Variants in CSMD2 observed in about 807,000 individuals in gnomAD.
CSMD2 encodes the protein CUB and sushi domain-containing protein 2.
CSMD2 carries 130 observed loss-of-function variants against 398.5 expected under a neutral mutation model. That is an observed-to-expected ratio of 0.33 (90% CI 0.28 to 0.38). The LOEUF is 0.38. CSMD2 is among the 10% of genes least tolerant of loss of function. The pLI, the probability that CSMD2 is intolerant of heterozygous loss-of-function variation, is 1.00. For missense variants in CSMD2, 3,829 were observed against 4,764.9 expected (o/e 0.80, Z 5.78); for synonymous variants, 1,828 against 1,908.5 (o/e 0.96, Z 1.10).
chr1:33,862,874 A>T (rs1237667772), intron 5 of CSMD2: 1 of 152,254 alleles, frequency 6.6e-6, no homozygotes, highest in Non-Finnish European at 1.5e-5. Flanking sequence ...GAAGATGAAC[A>T]CTGAAGTCTT....
At chr1:33,616,806 C>T (rs765913766) in intron 39 of CSMD2, 100 bp downstream of exon 39, 45 of 902,898 alleles carry the variant, frequency 5.0e-5, no homozygotes, top group Non-Finnish European at 8.0e-5. Flanking sequence ...GAATATCAAA[C>T]TTTCTTCTGA....
At chr1:33,657,856 G>T in intron 27 of CSMD2, 90 bp downstream of exon 27, 2 of 1,295,042 alleles carry the variant, frequency 1.5e-6, no homozygotes, top group South Asian at 2.8e-5. Flanking sequence ...CTTGGCCCCA[G>T]GCCCAAGATG....
intron 2 of CSMD2, among the ~76,000 whole-genome samples, chr1:34,053,949 G>A (rs1167146473): frequency 2.0e-5 from 3 of 152,062 alleles, no homozygotes; most frequent in Non-Finnish European, 4.4e-5. Flanking sequence ...CCTTAGCCCT[G>A]CCCAGCCCAC....
intron 7 of CSMD2, among the ~76,000 whole-genome samples, chr1:33,822,924 C>T (rs1284829483): frequency 3.3e-5 from 5 of 152,194 alleles, no homozygotes; most frequent in Non-Finnish European, 7.4e-5. Flanking sequence ...GAGTCATACC[C>T]ATCCCAAAGT....
rs149306664 is a variant in CSMD2 at position 33,700,651 on chromosome 1, G to A, written c.3599C>T (p.Ser1200Phe). ...VLKVYDGNNNSARLLGVFSHS... is the reference protein window; with the variant it reads ...VLKVYDGNNNFARLLGVFSHS... ...GCTAAAAACTCCCAGCAAACGGGCG[G>A]AGTTGTTGTTGCCATCATAAACCTG... is the stretch of plus-strand genomic sequence containing the variant. Residue 1200 changes from serine (S) to phenylalanine (F), a missense_variant, in exon 23 of 71, where the codon TCC becomes TTC. Transcript: ENST00000373381. 1 of 1,614,014 alleles carries A rather than the reference G, an allele frequency of 6.2e-7. No homozygotes were observed. Among genetic ancestry groups the A allele is most frequent in the African/African-American group, 1.3e-5 (1 of 74,910 alleles).
intron 5 of CSMD2, among the ~76,000 whole-genome samples, chr1:33,892,898 T>A (rs1277326512): frequency 1.3e-5 from 2 of 152,242 alleles, no homozygotes; most frequent in Non-Finnish European, 2.9e-5. Context: ...TGGGCATCCC[T>A]GGGCCCTCAG....
intron 1 of CSMD2, among the ~76,000 whole-genome samples, chr1:34,155,664 A>G (rs986061545): frequency 6.6e-6 from 1 of 152,110 alleles, no homozygotes; most frequent in African/African-American, 2.4e-5. Context: ...CACCCCTGAG[A>G]CCTGAAAAAT....
At chr1:33,749,301 G>A (rs965311383) in intron 13 of CSMD2, among the ~76,000 whole-genome samples, 13 of 151,672 alleles carry the variant, frequency 8.6e-5, no homozygotes, top group African/African-American at 1.7e-4. Context: ...GGGTTTCGCC[G>A]TGTTAGCCAG....
intron 57 of CSMD2, among the ~76,000 whole-genome samples, chr1:33,545,575 T>C (rs764724382): frequency 1.4e-4 from 21 of 152,316 alleles, no homozygotes; most frequent in Non-Finnish European, 2.2e-4. Flanking sequence ...TTCTTTTCTC[T>C]ATAAGAGCAT....
In CSMD2 at chr1:33,537,577, G is replaced by A. The variant is rs1283736318; in HGVS notation, c.9664C>T (p.Arg3222Cys). The A allele has an allele frequency of 5.0e-6, 8 of 1,613,902 alleles. No individual in the cohort carries two copies. Among genetic ancestry groups the A allele is most frequent in the East Asian group, 2.2e-5 (1 of 44,892 alleles). Residue 3222 changes from arginine (R) to cysteine (C), a missense_variant, in exon 61 of 71, where the codon CGT becomes TGT. By Grantham distance (180) the Arg-to-Cys change is radical. Coordinates refer to ENST00000373381, the MANE Select transcript of CSMD2 (RefSeq NM_001281956.2). The surrounding 1 kb of genome is among the most constrained non-coding windows in gnomAD (Gnocchi z 4.6). ...VFCGDPGVPS[R>C]GRREDRGFSY... is the part of the protein sequence containing the mutation. Reference sequence around the variant, plus strand: ...AAGCCTCGGTCCTCTCTCCTCCCACGGGACGGGACACCAGGATCCCCGCAG... The same window carrying A: ...AAGCCTCGGTCCTCTCTCCTCCCACAGGACGGGACACCAGGATCCCCGCAG...
chr1:33,518,665 A>G lies in CSMD2; in HGVS notation c.*53+800T>C, dbSNP rs1050460957. On this transcript the variant is annotated intron_variant, in intron 70 of 70. Coordinates refer to ENST00000373381, the MANE Select transcript of CSMD2 (RefSeq NM_001281956.2). The surrounding 1 kb of genome is among the most constrained non-coding windows in gnomAD (Gnocchi z 4.3). ...ATCAGCTGAAGGCCTTAAGAAAAAG[A>G]CTGAGGTGCTCCAAAGAGGAAGGAA... 1.3e-5 allele frequency among the ~76,000 whole-genome samples: 2 copies of G among 152,132 alleles called. No individual in the cohort carries two copies. Among genetic ancestry groups the G allele is most frequent in the Non-Finnish European group, 2.9e-5 (2 of 68,018 alleles).
At chr1:34,114,473 G>C (rs1025203898) in intron 1 of CSMD2, among the ~76,000 whole-genome samples, 1 of 152,150 alleles carries the variant, frequency 6.6e-6, no homozygotes, top group Non-Finnish European at 1.5e-5. Flanking sequence ...CGAAGCAGAA[G>C]GATAATTTGA....
chr1:34,011,528 T>C (rs1241555369), intron 3 of CSMD2, among the ~76,000 whole-genome samples: 3 of 152,138 alleles, frequency 2.0e-5, no homozygotes, highest in Admixed American at 6.5e-5. Context: ...CCAGTTTTGT[T>C]TATAGCTCAT....
At chr1:33,643,719 G>A (rs1643243153) in intron 29 of CSMD2, among the ~76,000 whole-genome samples, 1 of 152,150 alleles carries the variant, frequency 6.6e-6, no homozygotes. Context: ...AAAGCCATGG[G>A]ACCTGATAGC....
At chr1:33,535,317 T>C (rs1655663686) in intron 62 of CSMD2, among the ~76,000 whole-genome samples, 1 of 152,206 alleles carries the variant, frequency 6.6e-6, no homozygotes, top group Non-Finnish European at 1.5e-5. Context: ...TGTCTTGAAA[T>C]TTGTGTTAAT....
chr1:33,586,484 A>G lies in CSMD2; in HGVS notation c.7051+20T>C. On this transcript the variant is annotated intron_variant, in intron 46 of 70. Coordinates refer to ENST00000373381, the MANE Select transcript of CSMD2 (RefSeq NM_001281956.2). The stretch of plus-strand genomic sequence containing the variant: ...GGAGGAACTTCTAGGCCCCATACAG[A>G]TGCGGCTCCATGCAATTACCTTCAC... 6.6e-7 allele frequency: 1 copy of G among 1,521,006 alleles called. No individual in the cohort carries two copies. The highest frequency in any genetic ancestry group is 1.1e-5 in the South Asian group (1 of 89,118). The allele number at this position is 1,521,006 out of a possible 1,614,324, so 94.2% of individuals were successfully genotyped here.
chr1:33,968,852 G>A (rs1009524074), intron 3 of CSMD2, among the ~76,000 whole-genome samples: 6 of 152,192 alleles, frequency 3.9e-5, no homozygotes, highest in Admixed American at 1.3e-4. Context: ...AACTGTGATC[G>A]TTGGTAATTT....
intron 5 of CSMD2, among the ~76,000 whole-genome samples, chr1:33,868,109 C>G (rs1558028788): frequency 6.6e-6 from 1 of 152,128 alleles, no homozygotes; most frequent in South Asian, 2.1e-4. Flanking sequence ...GTTGGGGGAG[C>G]CTGGACCTAA....
intron 5 of CSMD2, among the ~76,000 whole-genome samples, chr1:33,903,624 C>T (rs555050016): frequency 1.3e-5 from 2 of 152,250 alleles, no homozygotes; most frequent in South Asian, 4.2e-4. Flanking sequence ...CCTTGGATAC[C>T]TACTAAGTGC....
Sources: gnomAD v4.1 joint callset for allele counts (sites outside exome capture counted in the v4.1 genomes callset) on GRCh38, gnomAD v4.1.1 for gene constraint, Gnocchi (gnomAD v3.1) non-coding constraint, MANE v1.5 for transcripts, NCBI Gene and HGNC (gene_info 2026-07-23, HGNC 2026-07-21) for gene names.